UNC13C: variants seen among roughly 807,000 people sequenced by gnomAD.
UNC13C encodes the protein unc-13 homolog C, also known as protein unc-13 homolog C.
UNC13C carries 174 observed loss-of-function variants against 245.4 expected under a neutral mutation model. The ratio of observed to expected loss-of-function variants is 0.71; its 90% CI spans 0.63 to 0.80. The LOEUF (loss-of-function observed/expected upper bound fraction) is 0.80. Among genes scored for constraint, UNC13C ranks in the 30% least tolerant of loss-of-function variants. The pLI is 0.00. For synonymous variants in UNC13C, 992 were observed against 895.1 expected (o/e 1.11, Z -1.93); for missense variants, 2,829 against 2,602.9 (o/e 1.09, Z -1.89).
At chr15:54,300,112 G>T in intron 12 of UNC13C, 98 bp from the exon 13 acceptor site, 1 of 1,068,804 alleles carries the variant, frequency 9.4e-7, no homozygotes. Context: ...AACATTAGAG[G>T]CAATGACAGT....
intron 2 of UNC13C, among the ~76,000 whole-genome samples, chr15:54,133,623 G>A (rs1031142524): frequency 6.6e-6 from 1 of 152,054 alleles, no homozygotes; most frequent in Non-Finnish European, 1.5e-5. Context: ...CTAAGACTAG[G>A]AACATTGGGA....
intron 16 of UNC13C, among the ~76,000 whole-genome samples, chr15:54,337,454 T>A (rs1307726809): frequency 6.6e-6 from 1 of 152,162 alleles, no homozygotes; most frequent in African/African-American, 2.4e-5. Flanking sequence ...ATCCACAGTT[T>A]TTCCCATTTA....
chr15:54,284,042 C>T (rs1223724976), intron 10 of UNC13C, among the ~76,000 whole-genome samples: 2 of 152,166 alleles, frequency 1.3e-5, no homozygotes, highest in Non-Finnish European at 2.9e-5. Flanking sequence ...GTTCCAGTCC[C>T]TTTACAGTTG....
At chr15:54,573,599 G>A (rs935253430) in intron 30 of UNC13C, among the ~76,000 whole-genome samples, 1 of 152,178 alleles carries the variant, frequency 6.6e-6, no homozygotes, top group East Asian at 1.9e-4. Flanking sequence ...GTTTCATACA[G>A]TGAGAAATAT....
intron 30 of UNC13C, among the ~76,000 whole-genome samples, chr15:54,611,186 A>G (rs1900073537): frequency 1.3e-5 from 2 of 152,176 alleles, no homozygotes; most frequent in Admixed American, 6.5e-5. Context: ...TAGTATTTGC[A>G]TATGTGCAAG....
At chr15:54,038,124 A>ATAAAAATTTTTTTTTTTTTTTT in intron 2 of UNC13C, among the ~76,000 whole-genome samples, 5 of 45,034 alleles carry the variant, frequency 1.1e-4, no homozygotes, top group African/African-American at 5.3e-4. Flanking sequence ...ATATATATAT[A>ATAAAAATTTTTTTTTTTTTTTT]TTTTTTTTTT....
the UNC13C span, among the ~76,000 whole-genome samples, chr15:53,864,786 A>G: frequency 1.3e-5 from 2 of 152,198 alleles, no homozygotes; most frequent in Admixed American, 1.3e-4. Context: ...ATGGCATTGG[A>G]GACCATATGA....
At chr15:54,267,725 A>G (rs1289453713) in intron 10 of UNC13C, among the ~76,000 whole-genome samples, 1 of 151,986 alleles carries the variant, frequency 6.6e-6, no homozygotes, top group Non-Finnish European at 1.5e-5. Flanking sequence ...CAATTGGTTT[A>G]TGATTTCACA....
rs1595800168 is a variant in UNC13C, at chr15:54,067,056, G to A, written c.2983+51170G>A. Among the ~76,000 whole-genome samples, 10 of 152,164 alleles carry A rather than the reference G, an allele frequency of 6.6e-5. 1 individual carries two copies. The highest frequency in any genetic ancestry group is 6.5e-4 in the Admixed American group (10 of 15,276). ...TTAGCTTATAGCCCTGGCTCATGCT[G>A]ATATTTTTTAATGTAAATGAGTTTC... On this transcript the variant is annotated intron_variant, in intron 2 of 32. Coordinates refer to ENST00000260323, the MANE Select transcript of UNC13C (RefSeq NM_001080534.3).
chr15:53,935,597 C>T, the UNC13C span, among the ~76,000 whole-genome samples: 3 of 152,128 alleles, frequency 2.0e-5, no homozygotes, highest in Non-Finnish European at 4.4e-5. Context: ...CGAGTTAATT[C>T]CATATCTTCA....
chr15:54,231,580 A>G (rs936700028), intron 4 of UNC13C, among the ~76,000 whole-genome samples: 2 of 152,206 alleles, frequency 1.3e-5, no homozygotes, highest in South Asian at 2.1e-4. Flanking sequence ...ATGAGTTAAC[A>G]TAAGTAAAGT....
chr15:53,846,716 A>G, the UNC13C span, among the ~76,000 whole-genome samples: 926 of 152,350 alleles, frequency 6.1e-3, 4 homozygotes, highest in Non-Finnish European at 8.2e-3. Context: ...TGTACTATAT[A>G]GAAGAGATAC....
intron 2 of UNC13C, among the ~76,000 whole-genome samples, chr15:54,099,067 G>A (rs907937792): frequency 1.6e-4 from 25 of 152,172 alleles, no homozygotes; most frequent in African/African-American, 6.0e-4. Flanking sequence ...CAGTCCCTTG[G>A]TTTTAATCAA....
intron 19 of UNC13C, among the ~76,000 whole-genome samples, chr15:54,460,369 G>T (rs1427046130): frequency 6.6e-6 from 1 of 152,200 alleles, no homozygotes; most frequent in East Asian, 1.9e-4. Context: ...CTTGAATGCT[G>T]GTTATGCTAG....
Position 54,567,919 on chromosome 15 carries a change from G to C in UNC13C, c.6078G>C (p.Lys2026Asn), listed in dbSNP as rs749664284. The part of the protein sequence containing the change: ...LYTQTTDALI[K>N]KFIDTQTSQS... ...CCCAAACTACTGATGCCTTGATAAA[G>C]AAATTCATAGATACTCAAACCTCAC... The change falls in exon 30 of 33, where the codon AAG (lysine) becomes AAC (asparagine). Residue 2026 changes from lysine to asparagine, a missense_variant. Transcript: ENST00000260323. 1.9e-6 allele frequency: 3 copies of C among 1,579,812 alleles called. No individual in the cohort carries two copies. Among genetic ancestry groups the C allele is most frequent in the Middle Eastern group, 1.7e-4 (1 of 5,948 alleles).
chr15:54,423,075 T>A (rs2040685200), intron 19 of UNC13C, among the ~76,000 whole-genome samples: 1 of 151,790 alleles, frequency 6.6e-6, no homozygotes, highest in South Asian at 2.1e-4. Context: ...GTACATTATA[T>A]ATATCTGTAT....
intron 29 of UNC13C, among the ~76,000 whole-genome samples, chr15:54,556,355 T>C (rs62022747): frequency 0.061 from 9,300 of 152,114 alleles, 383 homozygotes; most frequent in Admixed American, 0.13. Flanking sequence ...ATGGTATTCA[T>C]TTCAACAGAG....
At chr15:54,251,550 T>G (rs1938002182) in intron 8 of UNC13C, among the ~76,000 whole-genome samples, 1 of 152,192 alleles carries the variant, frequency 6.6e-6, no homozygotes, top group South Asian at 2.1e-4. Context: ...AAAAAATCCT[T>G]TATTTGTTAC....
the UNC13C span, among the ~76,000 whole-genome samples, chr15:53,889,967 G>A: frequency 1.3e-5 from 2 of 152,100 alleles, no homozygotes; most frequent in Non-Finnish European, 2.9e-5. Context: ...GTATTTTATT[G>A]AGGATTTTTA....
Sources: gnomAD v4.1 joint callset for allele counts (sites outside exome capture counted in the v4.1 genomes callset) on GRCh38, gnomAD v4.1.1 for gene constraint, MANE v1.5 for transcripts, NCBI Gene and HGNC (gene_info 2026-07-23, HGNC 2026-07-21) for gene names.